Variants in RAD51B observed in about 807,000 individuals in gnomAD.
RAD51B encodes the protein DNA repair protein RAD51 homolog 2.
In RAD51B, 38 loss-of-function variants were observed where a neutral mutation model predicts 42.2. The ratio of observed to expected loss-of-function variants is 0.90; its 90% CI spans 0.70 to 1.18. The LOEUF is 1.18. Among genes scored for constraint, RAD51B ranks in the 50% most tolerant of loss-of-function variants. The pLI is 0.00. For synonymous variants in RAD51B, 154 were observed against 145.2 expected, an observed-to-expected ratio of 1.06 and a Z score of -0.43; for missense variants, 373 against 400.7, an observed-to-expected ratio of 0.93 and a Z score of 0.59.
At chr14:68,429,773 T>C (rs1382855721) in intron 9 of RAD51B, among the ~76,000 whole-genome samples, 1 of 151,324 alleles carries the variant, frequency 6.6e-6, no homozygotes, top group African/African-American at 2.5e-5. Context: ...TTTGTCAATT[T>C]TGGCTTTTGT....
chr14:68,416,458 C>G (rs1404405313), intron 9 of RAD51B, among the ~76,000 whole-genome samples: 3 of 152,112 alleles, frequency 2.0e-5, no homozygotes, highest in Non-Finnish European at 2.9e-5. Flanking sequence ...TTGACACTTA[C>G]ACAGTAGATA....
At position 67,887,056 on chromosome 14, in the gene RAD51B, G is replaced by A; in HGVS notation, c.608G>A (p.Gly203Glu). The A allele has an allele frequency of 6.4e-7, 1 of 1,553,080 alleles. No individual in the cohort carries two copies. The highest frequency in any genetic ancestry group is 8.8e-7 in the Non-Finnish European group (1 of 1,134,986). Reference protein sequence around the residue: ...ESLEEEIISKGIKLVILDSVA... With the variant: ...ESLEEEIISKEIKLVILDSVA... ...TTGGAAGAAGAAATTATCTCAAAAG[G>A]AATTAAACTTGTGATTCTTGACTCT... Residue 203 changes from glycine to glutamate, a missense_variant, in exon 7 of 11, where the codon GGA becomes GAA. By Grantham distance (98) the Gly-to-Glu change is moderately conservative. Transcript: ENST00000471583.
intron 11 of RAD51B, among the ~76,000 whole-genome samples, chr14:68,659,079 G>A (rs1892881442): frequency 6.6e-6 from 1 of 152,210 alleles, no homozygotes; most frequent in Non-Finnish European, 1.5e-5. Flanking sequence ...TGACCGTGTG[G>A]CCTGGAGGGA....
chr14:67,974,809 A>G (rs989240480), intron 7 of RAD51B, among the ~76,000 whole-genome samples: 3 of 152,060 alleles, frequency 2.0e-5, no homozygotes, highest in African/African-American at 7.2e-5. Flanking sequence ...TATGATATGT[A>G]TTTTCTTGTA....
chr14:68,027,712 G>T (rs552336867), intron 7 of RAD51B, among the ~76,000 whole-genome samples: 1 of 152,152 alleles, frequency 6.6e-6, no homozygotes, highest in South Asian at 2.1e-4. Context: ...TTCTGAAAAT[G>T]GCTATTTTGT....
intron 7 of RAD51B, among the ~76,000 whole-genome samples, chr14:67,983,027 A>T (rs1183537255): frequency 6.6e-6 from 1 of 152,106 alleles, no homozygotes; most frequent in Non-Finnish European, 1.5e-5. Flanking sequence ...ACATCATTGC[A>T]CTCTAGCCTG....
chr14:67,943,038 TAAA>T (rs1474571106), intron 7 of RAD51B, among the ~76,000 whole-genome samples: 6 of 152,042 alleles, frequency 3.9e-5, no homozygotes, highest in African/African-American at 1.4e-4. Flanking sequence ...CCAAGTGTGA[TAAA>T]TAAGATGGGT....
At chr14:68,349,493 A>G (rs540349713) in intron 8 of RAD51B, among the ~76,000 whole-genome samples, 109 of 152,178 alleles carry the variant, frequency 7.2e-4, no homozygotes, top group African/African-American at 2.4e-3. Context: ...CACCCTCTCT[A>G]GAAGCTGGGA....
exon 11 of RAD51B, chr14:68,594,810 G>A (rs1478693528): frequency 5.7e-6 from 7 of 1,231,708 alleles, no homozygotes; most frequent in Middle Eastern, 3.4e-4. Flanking sequence ...GGGGGCAATG[G>A]AGTGACAGGT....
chr14:67,983,970 C>T (rs1219959198), intron 7 of RAD51B, among the ~76,000 whole-genome samples: 1 of 150,486 alleles, frequency 6.6e-6, no homozygotes, highest in Non-Finnish European at 1.5e-5. Context: ...GACAGTGTCT[C>T]CCTCTGTTGC....
intron 7 of RAD51B, among the ~76,000 whole-genome samples, chr14:67,949,325 C>A (rs113546721): frequency 0.026 from 4,026 of 152,280 alleles, 178 homozygotes; most frequent in African/African-American, 0.092. Context: ...TATTCTAAAT[C>A]CTTTGTTGTC....
chr14:68,369,222 T>C (rs2083202791), intron 8 of RAD51B, among the ~76,000 whole-genome samples: 1 of 152,208 alleles, frequency 6.6e-6, no homozygotes, highest in Non-Finnish European at 1.5e-5. Flanking sequence ...AAAATAAAAG[T>C]TACTTACGGC....
chr14:67,900,598 TTGTGTGTGTGTG>T (rs142144274), intron 7 of RAD51B, among the ~76,000 whole-genome samples: 2 of 142,266 alleles, frequency 1.4e-5, no homozygotes, highest in East Asian at 2.1e-4. Flanking sequence ...TTCTTTCAGT[TTGTGTGTGTGTG>T]TGTGTGTGTG....
chr14:67,841,174 C>G (rs1043648475), intron 4 of RAD51B, among the ~76,000 whole-genome samples: 1 of 152,184 alleles, frequency 6.6e-6, no homozygotes, highest in Non-Finnish European at 1.5e-5. Context: ...TTGCATTTCT[C>G]TAATGATTAG....
intron 8 of RAD51B, among the ~76,000 whole-genome samples, chr14:68,344,154 C>T (rs931258976): frequency 5.3e-5 from 8 of 152,172 alleles, no homozygotes; most frequent in African/African-American, 1.9e-4. Context: ...AGAGGGCCAC[C>T]ACCCGCCACG....
Position 67,840,242 on chromosome 14 carries a change from A to G in RAD51B, c.315+5046A>G, listed in dbSNP as rs192336944. On this transcript the variant is annotated intron_variant, in intron 4 of 10. Coordinates refer to ENST00000471583, the MANE Select transcript of RAD51B (RefSeq NM_133510.4). The stretch of plus-strand genomic sequence containing the variant: ...ATACCATCTCTCAGCTACTGAACAT[A>G]GTCCCCAATAAGTAGTTTTTTTAGC... Among the ~76,000 whole-genome samples the G allele has an allele frequency of 5.3e-5, 8 of 152,290 alleles. No individual in the cohort carries two copies. In the East Asian group the frequency reaches 1.5e-3, roughly 29 times the overall value.
intron 7 of RAD51B, among the ~76,000 whole-genome samples, chr14:68,164,771 GTTCCCACTAGCA>G (rs990781836): frequency 5.3e-5 from 8 of 152,160 alleles, no homozygotes; most frequent in African/African-American, 1.7e-4. Flanking sequence ...AAAGGTAATG[GTTCCCACTAGCA>G]TTTTCAGTAA....
At chr14:68,650,464 C>T (rs1434070524) in intron 10 of RAD51B, among the ~76,000 whole-genome samples, 2 of 152,162 alleles carry the variant, frequency 1.3e-5, no homozygotes, top group East Asian at 3.8e-4. Flanking sequence ...GGGCAGAAAA[C>T]TCAGTTTCCT....
At chr14:68,326,293 G>C (rs1333579232) in intron 8 of RAD51B, among the ~76,000 whole-genome samples, 1 of 151,924 alleles carries the variant, frequency 6.6e-6, no homozygotes, top group Admixed American at 6.6e-5. Context: ...ACCTGCCTCG[G>C]CCTCCCAGAG....
Sources: allele counts gnomAD v4.1 joint callset (sites outside exome capture counted in the v4.1 genomes callset), GRCh38; gene constraint gnomAD v4.1.1; transcripts MANE v1.5; gene names NCBI Gene and HGNC (gene_info 2026-07-23, HGNC 2026-07-21).